Variants in CCDC77 observed in about 807,000 individuals in gnomAD.
CCDC77 encodes coiled-coil domain-containing protein 77.
A neutral mutation model predicts 66.8 loss-of-function variants in CCDC77; 56 were observed. The ratio of observed to expected loss-of-function variants is 0.84; its 90% CI spans 0.68 to 1.05. The LOEUF (loss-of-function observed/expected upper bound fraction) is 1.05. Ranked by LOEUF, CCDC77 falls within the 50% of genes least tolerant of loss-of-function variation. The probability of loss-of-function intolerance (pLI) is 0.00; values close to 1 mark genes in which losing one functional copy is unlikely to be tolerated. For missense variants in CCDC77, 570 were observed against 576.8 expected, an observed-to-expected ratio of 0.99 and a Z score of 0.12; for synonymous variants, 196 against 195.2, an observed-to-expected ratio of 1.00 and a Z score of -0.03.
At chr12:410,583 T>C (rs896533467) in intron 3 of CCDC77, among the ~76,000 whole-genome samples, 4 of 151,536 alleles carry the variant, frequency 2.6e-5, no homozygotes, top group Non-Finnish European at 4.4e-5. Context: ...TAGGTTCCGC[T>C]ATGTTGGCCA....
intron 6 of CCDC77, 117 bp downstream of exon 6, chr12:428,982 A>G (rs1945590704): frequency 1.5e-5 from 9 of 596,186 alleles, no homozygotes; most frequent in Middle Eastern, 7.1e-4. Flanking sequence ...TAGCCATCAC[A>G]GTGCCTTGTT....
At chr12:427,701 C>T (rs1257291312) in intron 5 of CCDC77, among the ~76,000 whole-genome samples, 1 of 152,042 alleles carries the variant, frequency 6.6e-6, no homozygotes, top group African/African-American at 2.4e-5. Flanking sequence ...GTCTCGAACT[C>T]CTGACCTCAG....
intron 1 of CCDC77, among the ~76,000 whole-genome samples, chr12:402,366 A>T (rs1944912751): frequency 6.6e-6 from 1 of 152,184 alleles, no homozygotes; most frequent in Non-Finnish European, 1.5e-5. Context: ...TTGCACTTAG[A>T]TCATTTTTGC....
intron 9 of CCDC77, chr12:436,825 CTT>C: frequency 1.2e-6 from 1 of 852,762 alleles, no homozygotes; most frequent in Non-Finnish European, 1.4e-6. Flanking sequence ...AATGACTGCC[CTT>C]TGGGTATCAC....
intron 1 of CCDC77, among the ~76,000 whole-genome samples, chr12:395,967 G>A (rs1336242331): frequency 6.6e-6 from 1 of 152,148 alleles, no homozygotes; most frequent in African/African-American, 2.4e-5. Flanking sequence ...TGTAATCCCA[G>A]CTATTCAGGA....
At chr12:426,323 T>C (rs1268977532) in intron 5 of CCDC77, among the ~76,000 whole-genome samples, 1 of 152,200 alleles carries the variant, frequency 6.6e-6, no homozygotes, top group Non-Finnish European at 1.5e-5. Context: ...CCACTTACCA[T>C]GTGCCTGAGA....
intron 1 of CCDC77, chr12:389,827 T>C (rs1944721531): frequency 6.5e-6 from 1 of 152,870 alleles, no homozygotes; most frequent in Non-Finnish European, 1.5e-5. Context: ...TTTAGCCCTT[T>C]GAATGCAGAT....
At chr12:419,500 A>T (rs10774177) in intron 5 of CCDC77, among the ~76,000 whole-genome samples, 8,086 of 27,642 alleles carry the variant, frequency 0.29, 438 homozygotes, top group Middle Eastern at 0.37. Flanking sequence ...ATTACAGTGC[A>T]CTTCTGTGTG....
rs1335456284 is a variant in CCDC77, at chr12:440,619, C to A, written c.1044C>A (p.Ser348=). The change falls in exon 11 of 13, where the codon TCC becomes TCA. Residue 348 remains serine, a splice_region_variant and synonymous_variant. Coordinates refer to ENST00000239830, the MANE Select transcript of CCDC77 (RefSeq NM_032358.4). Reference sequence around the variant, plus strand: ...TTTTTTGTCCCTTTGACTTGTAGTCCCTAAAAGATAAGTTAGTACAAGAGA... The same window carrying A: ...TTTTTTGTCCCTTTGACTTGTAGTCACTAAAAGATAAGTTAGTACAAGAGA... ...SHHAQSEYIK[S]LKDKLVQEKK... 1 of 1,613,656 alleles carries A rather than the reference C, an allele frequency of 6.2e-7. No homozygotes were observed. The highest frequency in any genetic ancestry group is 8.5e-7 in the Non-Finnish European group (1 of 1,179,876).
At chr12:434,182 TA>T in intron 9 of CCDC77, among the ~76,000 whole-genome samples, 1 of 152,212 alleles carries the variant, frequency 6.6e-6, no homozygotes, top group Middle Eastern at 3.4e-3. Flanking sequence ...AGGTTATTTT[TA>T]AAATCTGAAA....
rs1591995479 is a variant in CCDC77, at chr12:438,630, G to C, written c.1041+76G>C. On this transcript the variant is annotated intron_variant, in intron 10 of 12. Coordinates refer to ENST00000239830, the MANE Select transcript of CCDC77 (RefSeq NM_032358.4). ...AGGAATTCCAAAGAACCTACAATTT[G>C]TAATGTAAGATCCATTCAGTCCAGG... The C allele has an allele frequency of 1.8e-5, 20 of 1,125,900 alleles. No individual in the cohort carries two copies. In the East Asian group the frequency reaches 4.0e-4, roughly 23 times the overall value. The allele number at this position is 1,125,900 out of a possible 1,614,324, so 69.7% of individuals were successfully genotyped here.
In CCDC77 at chr12:440,624, A is replaced by G; in HGVS notation, c.1049A>G (p.Lys350Arg). Residue 350 changes from lysine (K) to arginine (R), a missense_variant, in exon 11 of 13, where the codon AAA becomes AGA. Transcript: ENST00000239830. Reference protein sequence around the residue: ...HAQSEYIKSLKDKLVQEKKLS... With the variant: ...HAQSEYIKSLRDKLVQEKKLS... ...TGTCCCTTTGACTTGTAGTCCCTAA[A>G]AGATAAGTTAGTACAAGAGAAAAAG... 3.7e-6 allele frequency: 6 copies of G among 1,614,062 alleles called. No individual in the cohort carries two copies. Among genetic ancestry groups the G allele is most frequent in the Non-Finnish European group, 5.1e-6 (6 of 1,180,016 alleles).
chr12:389,704 A>G (rs1489245253), intron 1 of CCDC77, among the ~76,000 whole-genome samples: 4 of 152,140 alleles, frequency 2.6e-5, no homozygotes, highest in African/African-American at 9.7e-5. Context: ...AGTGCACTCG[A>G]AAACACGCCG....
At position 417,149 on chromosome 12, in the gene CCDC77, T is replaced by A. The variant is rs988515429; in HGVS notation, c.271-1345T>A. Among the ~76,000 whole-genome samples the A allele has an allele frequency of 9.8e-4, 114 of 116,246 alleles. 1 individual carries two copies. Among genetic ancestry groups the A allele is most frequent in the African/African-American group, 3.4e-3 (107 of 31,918 alleles). 76.3% of individuals were successfully genotyped at this position (116,246 alleles called of 152,430 possible). On this transcript the variant is annotated intron_variant, in intron 4 of 12. Coordinates refer to ENST00000239830, the MANE Select transcript of CCDC77 (RefSeq NM_032358.4). ...CTCTGTCTCAAAAAAAAAAAAAAAA[T>A]AGAGCAGGATTTATTTAGAATAGAG...
intron 9 of CCDC77, among the ~76,000 whole-genome samples, chr12:437,845 TAAAAA>T (rs3043231): frequency 3.2e-5 from 4 of 124,516 alleles, no homozygotes; most frequent in African/African-American, 6.2e-5. Context: ...GACCCTGTCT[TAAAAA>T]AAAAAAAAAA....
chr12:423,329 A>G (rs1175641588), intron 5 of CCDC77, among the ~76,000 whole-genome samples: 1 of 145,838 alleles, frequency 6.9e-6, no homozygotes, highest in Non-Finnish European at 1.5e-5. Flanking sequence ...TTGTGGAGAC[A>G]AGGTTTCACC....
At chr12:438,250 C>T in intron 9 of CCDC77, 85 bp from the exon 10 acceptor site, 1 of 912,780 alleles carries the variant, frequency 1.1e-6, no homozygotes, top group East Asian at 2.5e-5. Context: ...TTAAAAGAAC[C>T]ACTCTCTTCC....
chr12:389,502 G>A (rs1261459347), intron 1 of CCDC77: 2 of 352,416 alleles, frequency 5.7e-6, no homozygotes, highest in Non-Finnish European at 1.1e-5. Flanking sequence ...GGGTCGGGGA[G>A]GGGCACAAGC....
chr12:411,439 C>G (rs1687622695), intron 3 of CCDC77, among the ~76,000 whole-genome samples: 1 of 151,748 alleles, frequency 6.6e-6, no homozygotes, highest in African/African-American at 2.4e-5. Context: ...TTTGGCCTCC[C>G]AAAGTGCTAG....
Sources: allele counts gnomAD v4.1 joint callset (sites outside exome capture counted in the v4.1 genomes callset), GRCh38; gene constraint gnomAD v4.1.1; transcripts MANE v1.5; gene names NCBI Gene and HGNC (gene_info 2026-07-23, HGNC 2026-07-21).